Variants in ST8SIA4 observed in about 807,000 individuals in gnomAD.
ST8SIA4 encodes ST8 alpha-N-acetyl-neuraminide alpha-2,8-sialyltransferase 4.
ST8SIA4 carries 15 observed loss-of-function variants against 33.9 expected under a neutral mutation model. The observed-to-expected ratio is 0.44, with a 90% confidence interval of 0.30 to 0.68. The LOEUF (loss-of-function observed/expected upper bound fraction) is 0.68. Ranked by LOEUF, ST8SIA4 falls within the 30% of genes least tolerant of loss-of-function variation. ST8SIA4 has a pLI of 0.10. For synonymous variants in ST8SIA4, 171 were observed against 151.2 expected (o/e 1.13, Z -0.96); for missense variants, 321 against 428.0 (o/e 0.75, Z 2.21).
chr5:100,902,437 G>A (rs767393240), intron 1 of ST8SIA4, among the ~76,000 whole-genome samples: 22 of 151,956 alleles, frequency 1.4e-4, no homozygotes, highest in Non-Finnish European at 2.6e-4. Flanking sequence ...TCAGCCCTTC[G>A]AGAAACCATC....
chr5:100,878,560 C>T (rs1199157352), intron 3 of ST8SIA4, among the ~76,000 whole-genome samples: 2 of 152,072 alleles, frequency 1.3e-5, no homozygotes, highest in Non-Finnish European at 2.9e-5. Context: ...AACCTTGATA[C>T]AACCATCAAC....
intron 3 of ST8SIA4, among the ~76,000 whole-genome samples, chr5:100,861,925 T>A (rs1346208827): frequency 1.3e-5 from 2 of 152,182 alleles, no homozygotes; most frequent in Admixed American, 1.3e-4. Flanking sequence ...TTGCCCTGGG[T>A]GGATAAAACA....
chr5:100,875,258 G>A (rs1752280704), intron 3 of ST8SIA4, among the ~76,000 whole-genome samples: 1 of 152,148 alleles, frequency 6.6e-6, no homozygotes, highest in Non-Finnish European at 1.5e-5. Flanking sequence ...TATAAGGTGT[G>A]TAGATGTTGG....
chr5:100,888,432 A>T (rs937492950), intron 2 of ST8SIA4, among the ~76,000 whole-genome samples: 1 of 151,896 alleles, frequency 6.6e-6, no homozygotes, highest in African/African-American at 2.4e-5. Flanking sequence ...ATAATAGGGG[A>T]TATACAACAT....
chr5:100,832,632 CTCT>C (rs1367290547), intron 4 of ST8SIA4, among the ~76,000 whole-genome samples: 1 of 152,034 alleles, frequency 6.6e-6, no homozygotes, highest in Non-Finnish European at 1.5e-5. Flanking sequence ...CTCTTTCCTT[CTCT>C]TCTTTTTTTC....
At chr5:100,842,846 A>G (rs1184713174) in intron 4 of ST8SIA4, among the ~76,000 whole-genome samples, 1 of 151,908 alleles carries the variant, frequency 6.6e-6, no homozygotes, top group Non-Finnish European at 1.5e-5. Context: ...AATAGTGTAA[A>G]GTAGAATCTG....
At position 100,859,907 on chromosome 5, in the gene ST8SIA4, T is replaced by C. The variant is rs554796148; in HGVS notation, c.504-3511A>G. ...TAACAGGCATTTATTGAGAGTTTGT[T>C]TTGCAAACACTACTCTAGAAGCTCA... On this transcript the variant is annotated intron_variant, in intron 3 of 4. Coordinates refer to ENST00000231461, the MANE Select transcript of ST8SIA4 (RefSeq NM_005668.6). 1.3e-4 allele frequency among the ~76,000 whole-genome samples: 20 copies of C among 152,246 alleles called. No homozygotes were observed. The South Asian group carries it at 3.3e-3, about 25-fold the overall frequency.
At chr5:100,899,012 C>T (rs1211353694) in intron 1 of ST8SIA4, among the ~76,000 whole-genome samples, 1 of 152,092 alleles carries the variant, frequency 6.6e-6, no homozygotes. Context: ...TTTTAGGTAA[C>T]CTAGTGTCTA....
intron 4 of ST8SIA4, among the ~76,000 whole-genome samples, chr5:100,813,825 A>C (rs773576077): frequency 2.0e-5 from 3 of 152,006 alleles, no homozygotes; most frequent in Non-Finnish European, 4.4e-5. Context: ...TTAAAAAAAA[A>C]CTATCTATTT....
chr5:100,862,425 G>C (rs772237377), intron 3 of ST8SIA4, among the ~76,000 whole-genome samples: 3 of 152,064 alleles, frequency 2.0e-5, no homozygotes, highest in Non-Finnish European at 4.4e-5. Context: ...TTGAGATGGA[G>C]TCTCACACTG....
chr5:100,843,994 T>C (rs1423067556), intron 4 of ST8SIA4, among the ~76,000 whole-genome samples: 3 of 151,880 alleles, frequency 2.0e-5, no homozygotes, highest in African/African-American at 7.2e-5. Flanking sequence ...TGAAGCAAGG[T>C]CTTAAGAGGG....
intron 4 of ST8SIA4, chr5:100,816,553 A>T (rs767035247): frequency 3.8e-6 from 2 of 522,196 alleles, no homozygotes; most frequent in African/African-American, 3.9e-5. Context: ...AATTAATTTT[A>T]TACCAACCTA....
intron 4 of ST8SIA4, among the ~76,000 whole-genome samples, chr5:100,823,177 A>C: frequency 6.6e-6 from 1 of 151,610 alleles, no homozygotes; most frequent in African/African-American, 2.4e-5. Context: ...ACCCCACCAA[A>C]ACCAAGACGG....
intron 2 of ST8SIA4, among the ~76,000 whole-genome samples, chr5:100,895,127 C>T (rs138306904): frequency 3.3e-3 from 495 of 152,040 alleles, no homozygotes; most frequent in Non-Finnish European, 4.4e-3. Flanking sequence ...AATGACTAGT[C>T]TTACAAAGAA....
At chr5:100,870,639 C>T (rs543826267) in intron 3 of ST8SIA4, among the ~76,000 whole-genome samples, 25 of 151,950 alleles carry the variant, frequency 1.6e-4, no homozygotes, top group East Asian at 1.2e-3. Flanking sequence ...TCATCATTTC[C>T]ATTTTTTAAA....
intron 1 of ST8SIA4, among the ~76,000 whole-genome samples, chr5:100,900,880 G>A (rs1460467490): frequency 1.3e-5 from 2 of 152,190 alleles, no homozygotes; most frequent in Non-Finnish European, 2.9e-5. Flanking sequence ...CGGCGCTCTG[G>A]CAGCAGGGGA....
chr5:100,833,035 C>CTA (rs1751293013), intron 4 of ST8SIA4, among the ~76,000 whole-genome samples: 1 of 152,118 alleles, frequency 6.6e-6, no homozygotes, highest in Non-Finnish European at 1.5e-5. Context: ...ATACATCGTG[C>CTA]TATGCATTCA....
chr5:100,885,306 G>A (rs906733501), intron 3 of ST8SIA4: 2 of 907,766 alleles, frequency 2.2e-6, no homozygotes, highest in Non-Finnish European at 2.6e-6. Context: ...GAAAAGGAAA[G>A]ATAATAAGGT....
intron 2 of ST8SIA4, chr5:100,890,915 T>C (rs1177558932): frequency 1.3e-5 from 2 of 151,684 alleles, no homozygotes; most frequent in Non-Finnish European, 3.0e-5. Flanking sequence ...ACAAGTAGAG[T>C]TCTACCCAGA....
Sources: gnomAD v4.1 joint callset for allele counts (sites outside exome capture counted in the v4.1 genomes callset) on GRCh38, gnomAD v4.1.1 for gene constraint, MANE v1.5 for transcripts, NCBI Gene and HGNC (gene_info 2026-07-23, HGNC 2026-07-21) for gene names.